The following IL1RAPL1 variants were observed in gnomAD, a reference collection of about 807,000 sequenced individuals.
The protein encoded by IL1RAPL1 is interleukin-1 receptor accessory protein-like 1.
Under a neutral mutation model 48.4 loss-of-function variants are expected in IL1RAPL1, and 3 were observed. The observed-to-expected ratio is 0.06, with a 90% CI of 0.03 to 0.16. The LOEUF (loss-of-function observed/expected upper bound fraction) is 0.16, where lower values mean the gene tolerates loss of function less well. IL1RAPL1 is among the 10% of genes least tolerant of loss of function. The pLI is 1.00. For synonymous variants in IL1RAPL1, 185 were observed against 187.7 expected (o/e 0.99, Z 0.12); for missense variants, 349 against 530.6 (o/e 0.66, Z 3.36).
intron 5 of IL1RAPL1, among the ~76,000 whole-genome samples, chrX:29,504,857 A>G (rs947108693): frequency 1.8e-5 from 2 of 110,592 alleles, no homozygotes; most frequent in Non-Finnish European, 3.8e-5. Context: ...ATAAGTAAGG[A>G]CTTACTACTG....
chrX:29,204,466 T>G, intron 2 of IL1RAPL1, among the ~76,000 whole-genome samples: 1 of 111,432 alleles, frequency 9.0e-6, no homozygotes, highest in South Asian at 3.8e-4. Context: ...TCCCTGATAA[T>G]TAGTGATGCT....
intron 1 of IL1RAPL1, among the ~76,000 whole-genome samples, chrX:28,627,225 T>C (rs1320028848): frequency 1.8e-5 from 2 of 111,855 alleles, no homozygotes; most frequent in Non-Finnish European, 3.8e-5. Context: ...AAAATGGCCT[T>C]GACTGTTCAA....
At chrX:29,083,501 T>C (rs1410592276) in intron 2 of IL1RAPL1, among the ~76,000 whole-genome samples, 1 of 111,754 alleles carries the variant, frequency 8.9e-6, no homozygotes, top group East Asian at 2.8e-4. Context: ...AAACATGTAC[T>C]GTGAAGGGTC....
At chrX:29,383,313 A>G (rs1046983471) in intron 3 of IL1RAPL1, among the ~76,000 whole-genome samples, 15 of 112,234 alleles carry the variant, frequency 1.3e-4, no homozygotes, top group Non-Finnish European at 2.8e-4. Flanking sequence ...TTACTTGTTC[A>G]TAGTCACACA....
intron 5 of IL1RAPL1, among the ~76,000 whole-genome samples, chrX:29,405,072 C>T (rs1201232093): frequency 9.1e-6 from 1 of 109,949 alleles, no homozygotes; most frequent in Non-Finnish European, 1.9e-5. Flanking sequence ...TGCCACCATG[C>T]CCAGCTAATT....
At chrX:29,728,906 G>A (rs1202903153) in intron 6 of IL1RAPL1, among the ~76,000 whole-genome samples, 6 of 111,436 alleles carry the variant, frequency 5.4e-5, no homozygotes, top group Non-Finnish European at 9.4e-5. Flanking sequence ...GGCTGGTCAA[G>A]CATGTCTCTC....
At chrX:29,350,449 G>T (rs1933214758) in intron 3 of IL1RAPL1, among the ~76,000 whole-genome samples, 1 of 106,148 alleles carries the variant, frequency 9.4e-6, no homozygotes, top group Admixed American at 1.0e-4. Flanking sequence ...TCAATCCCCA[G>T]CCAGGACCAC....
At chrX:28,635,005 AAAT>A (rs1934448003) in intron 1 of IL1RAPL1, among the ~76,000 whole-genome samples, 1 of 111,379 alleles carries the variant, frequency 9.0e-6, no homozygotes, top group Non-Finnish European at 1.9e-5. Context: ...TGGGAGATAG[AAAT>A]AATATCTCCC....
intron 2 of IL1RAPL1, among the ~76,000 whole-genome samples, chrX:29,015,969 T>C (rs763641606): frequency 2.7e-5 from 3 of 112,222 alleles, no homozygotes; most frequent in African/African-American, 9.7e-5. Context: ...TCTTCATTTC[T>C]CAAGCATTTT....
intron 2 of IL1RAPL1, among the ~76,000 whole-genome samples, chrX:29,068,471 C>CA (rs1158899845): frequency 3.6e-5 from 4 of 111,809 alleles, no homozygotes; most frequent in East Asian, 2.8e-4. Flanking sequence ...TGCAGAAACA[C>CA]AAAAAACAAA....
At chrX:28,896,862 G>A (rs746257699) in intron 2 of IL1RAPL1, among the ~76,000 whole-genome samples, 87 of 110,916 alleles carry the variant, frequency 7.8e-4, no homozygotes, top group Non-Finnish European at 1.1e-3. Context: ...TGGACGTCAG[G>A]CACCTCAGAC....
At chrX:29,269,331 T>C (rs973730244) in intron 2 of IL1RAPL1, among the ~76,000 whole-genome samples, 1 of 111,433 alleles carries the variant, frequency 9.0e-6, no homozygotes, top group Non-Finnish European at 1.9e-5. Context: ...AGCTTACATT[T>C]GGCTTTGGAT....
chrX:29,371,018 C>T (rs1014054169), intron 3 of IL1RAPL1, among the ~76,000 whole-genome samples: 1 of 108,598 alleles, frequency 9.2e-6, no homozygotes, highest in Admixed American at 1.0e-4. Context: ...TGGGAACATT[C>T]AAAATCTGCT....
chrX:29,154,662 G>A (rs941563462), intron 2 of IL1RAPL1, among the ~76,000 whole-genome samples: 4 of 111,493 alleles, frequency 3.6e-5, no homozygotes, highest in African/African-American at 1.3e-4. Context: ...AACATTACCT[G>A]TTGTAATCTG....
chrX:29,637,910 T>C lies in IL1RAPL1; in HGVS notation c.704-30520T>C, dbSNP rs766394176. On this transcript the variant is annotated intron_variant, in intron 5 of 10. Transcript: ENST00000378993. Reference sequence around the variant, plus strand: ...TCTAGAAAAATGTTAAATTTTTCATTTTTTCATGCTTTTCTTCACACAGCG... The same window carrying C: ...TCTAGAAAAATGTTAAATTTTTCATCTTTTCATGCTTTTCTTCACACAGCG... Among the ~76,000 whole-genome samples, 49 of 112,407 alleles carry C rather than the reference T, an allele frequency of 4.4e-4. 1 individual carries two copies. The highest frequency in any genetic ancestry group is 4.0e-3 in the Admixed American group (42 of 10,581).
chrX:29,521,569 T>G (rs1399008595), intron 5 of IL1RAPL1, among the ~76,000 whole-genome samples: 1 of 112,676 alleles, frequency 8.9e-6, no homozygotes, highest in Non-Finnish European at 1.9e-5. Context: ...GCCCTTGCAC[T>G]TCCAGAATCC....
chrX:28,891,394 T>G (rs1183673040), intron 2 of IL1RAPL1, among the ~76,000 whole-genome samples: 1 of 111,894 alleles, frequency 8.9e-6, no homozygotes, highest in Non-Finnish European at 1.9e-5. Flanking sequence ...AACCATAGAG[T>G]TGCATAAGCA....
chrX:28,823,685 C>T (rs761745108), intron 2 of IL1RAPL1, among the ~76,000 whole-genome samples: 1 of 111,176 alleles, frequency 9.0e-6, no homozygotes, highest in African/African-American at 3.3e-5. Flanking sequence ...ATTTCCTTGT[C>T]TTTTCTAGCT....
intron 6 of IL1RAPL1, among the ~76,000 whole-genome samples, chrX:29,901,852 C>CT (rs771351063): frequency 1.5e-4 from 17 of 112,071 alleles, no homozygotes; most frequent in Admixed American, 6.6e-4. Context: ...AAGGATGTGC[C>CT]TTATCAAGAT....
Sources: allele counts gnomAD v4.1 joint callset (sites outside exome capture counted in the v4.1 genomes callset), GRCh38; gene constraint gnomAD v4.1.1; transcripts MANE v1.5; gene names NCBI Gene and HGNC (gene_info 2026-07-23, HGNC 2026-07-21).